AACS: variants seen among roughly 807,000 people sequenced by gnomAD.
AACS encodes acetoacetyl-CoA synthetase.
Under a neutral mutation model 83.1 loss-of-function variants are expected in AACS, and 69 were observed. The ratio of observed to expected loss-of-function variants is 0.83; its 90% CI spans 0.68 to 1.01. The LOEUF is 1.01. AACS is among the 50% of genes least tolerant of loss of function. AACS has a pLI of 0.00. For synonymous variants in AACS, 333 were observed against 343.4 expected (o/e 0.97, Z 0.33); for missense variants, 866 against 882.2 (o/e 0.98, Z 0.23).
At chr12:125,081,844 C>A (rs565041473) in intron 3 of AACS, among the ~76,000 whole-genome samples, 1 of 150,640 alleles carries the variant, frequency 6.6e-6, no homozygotes, top group Non-Finnish European at 1.5e-5. Context: ...AGGGCAGACG[C>A]GTACAACTCT....
At chr12:125,085,285 C>T (rs1956305621) in intron 3 of AACS, among the ~76,000 whole-genome samples, 1 of 152,264 alleles carries the variant, frequency 6.6e-6, no homozygotes, top group Non-Finnish European at 1.5e-5. Context: ...TGGAACCACG[C>T]ACACGCATGT....
intron 3 of AACS, among the ~76,000 whole-genome samples, chr12:125,077,494 A>C (rs7133335): frequency 0.02 from 3,008 of 147,698 alleles, 99 homozygotes; most frequent in African/African-American, 0.07. Context: ...TGGGCGACAG[A>C]GTGAGACTCT....
intron 2 of AACS, among the ~76,000 whole-genome samples, chr12:125,074,498 G>A (rs950996004): frequency 1.3e-5 from 2 of 151,838 alleles, no homozygotes; most frequent in Non-Finnish European, 2.9e-5. Flanking sequence ...AGTGAGCTGT[G>A]ACTGCGCCAC....
intron 8 of AACS, among the ~76,000 whole-genome samples, chr12:125,112,760 A>C (rs1956981627): frequency 6.6e-6 from 1 of 151,374 alleles, no homozygotes; most frequent in Non-Finnish European, 1.5e-5. Flanking sequence ...GTGGCTGGGG[A>C]GGCCTCACAA....
intron 5 of AACS, among the ~76,000 whole-genome samples, chr12:125,096,832 G>C (rs1956619002): frequency 6.6e-6 from 1 of 152,096 alleles, no homozygotes; most frequent in Non-Finnish European, 1.5e-5. Flanking sequence ...ATGGGGAAGA[G>C]GGGCTTGCCT....
intron 8 of AACS, among the ~76,000 whole-genome samples, chr12:125,108,625 A>T (rs548177284): frequency 6.6e-6 from 1 of 152,282 alleles, no homozygotes; most frequent in South Asian, 2.1e-4. Flanking sequence ...TATGCAATAG[A>T]ATGTATATGT....
intron 3 of AACS, chr12:125,078,168 C>T: frequency 2.2e-6 from 1 of 456,306 alleles, no homozygotes; most frequent in Non-Finnish European, 4.4e-6. Flanking sequence ...CAGGGCCTCC[C>T]TTCTGCCATC....
intron 14 of AACS, among the ~76,000 whole-genome samples, chr12:125,133,128 G>A (rs548040342): frequency 1.4e-4 from 22 of 152,214 alleles, no homozygotes; most frequent in Non-Finnish European, 3.1e-4. Flanking sequence ...TTTTGATTAC[G>A]GCCAGCCAGT....
At chr12:125,078,297 G>A (rs1177694044) in intron 3 of AACS, 1 of 456,016 alleles carries the variant, frequency 2.2e-6, no homozygotes, top group Non-Finnish European at 4.4e-6. Context: ...TATTTTCAAA[G>A]CCCATGGGCA....
At chr12:125,076,924 G>A (rs532263592) in intron 3 of AACS, among the ~76,000 whole-genome samples, 1 of 152,276 alleles carries the variant, frequency 6.6e-6, no homozygotes, top group African/African-American at 2.4e-5. Context: ...GAGGCTGGGT[G>A]CAGAGGCCGG....
At chr12:125,080,010 C>T (rs912308189) in intron 3 of AACS, among the ~76,000 whole-genome samples, 3 of 152,194 alleles carry the variant, frequency 2.0e-5, no homozygotes, top group Admixed American at 2.0e-4. Flanking sequence ...AAGGTTCATC[C>T]ACATTGTAGC....
rs145458683 is a variant in AACS, at chr12:125,124,437, C to T, written c.1122-268C>T. On this transcript the variant is annotated intron_variant, in intron 10 of 17. Coordinates refer to ENST00000316519, the MANE Select transcript of AACS (RefSeq NM_023928.5). ...TCTGCAGTTGGGAAGATAATGGGTT[C>T]GGGTGAGCGACTGTTTTATGTGACG... 6.4e-3 allele frequency: 3,258 copies of T among 505,648 alleles called. 17 individuals are homozygous for T. Among genetic ancestry groups the T allele is most frequent in the Non-Finnish European group, 9.2e-3 (2,623 of 283,756 alleles). The allele number at this position is 505,648 out of a possible 1,614,324, so 31.3% of individuals were successfully genotyped here. A position where few individuals can be genotyped will look rare whatever the true frequency, so the allele number is the denominator to read the frequency against.
At position 125,093,803 on chromosome 12, in the gene AACS, C is replaced by T. The variant is rs142458581; in HGVS notation, c.570+2280C>T. Among the ~76,000 whole-genome samples, 168 of 152,310 alleles carry T rather than the reference C, an allele frequency of 1.1e-3. 1 individual carries two copies. The highest frequency in any genetic ancestry group is 1.9e-3 in the Non-Finnish European group (132 of 68,032). ...GTCCGAGGTATAGACTCCATCCTGC[C>T]GGAGACGGGGGTGTGTGTGACGCAC... is the stretch of plus-strand genomic sequence containing the variant. On this transcript the variant is annotated intron_variant, in intron 5 of 17. Coordinates refer to ENST00000316519, the MANE Select transcript of AACS (RefSeq NM_023928.5).
rs774854307 is a variant in AACS, at chr12:125,076,518, G to A, written c.265G>A (p.Asp89Asn). The change falls in exon 3 of 18, where the codon GAT becomes AAT. Residue 89 changes from aspartate to asparagine, a missense_variant. Physicochemically the swap from Asp to Asn is conservative, Grantham distance 23. Transcript: ENST00000316519. ...TGTGGACACATCGAAAGGAATCGCA[G>A]ATGTCCCCGAGTGGTTCAAAGGCAG... The part of the protein sequence containing the change: ...EVVDTSKGIA[D>N]VPEWFKGSRL... 1 of 1,614,170 alleles carries A rather than the reference G, an allele frequency of 6.2e-7. No homozygotes were observed. Among genetic ancestry groups the A allele is most frequent in the Non-Finnish European group, 8.5e-7 (1 of 1,180,012 alleles).
In AACS at chr12:125,102,297, G is replaced by A. The variant is rs539112605; in HGVS notation, c.571-382G>A. 6.3e-5 allele frequency: 12 copies of A among 189,596 alleles called. No individual in the cohort carries two copies. In the East Asian group the frequency reaches 1.4e-3, roughly 22 times the overall value. 11.7% of individuals were successfully genotyped at this position (189,596 alleles called of 1,614,324 possible). On this transcript the variant is annotated intron_variant, in intron 5 of 17. Coordinates refer to ENST00000316519, the MANE Select transcript of AACS (RefSeq NM_023928.5). Reference sequence around the variant, plus strand: ...ACTCCTGACCTCAAGTGATTCACCTGCCTCGGCCTCTCAAAGTGCTTGGAT... The same window carrying A: ...ACTCCTGACCTCAAGTGATTCACCTACCTCGGCCTCTCAAAGTGCTTGGAT...
intron 7 of AACS, among the ~76,000 whole-genome samples, chr12:125,104,065 T>C (rs1436533259): frequency 3.4e-5 from 5 of 148,566 alleles, no homozygotes; most frequent in African/African-American, 1.2e-4. Flanking sequence ...TTATGGATTA[T>C]GGTTTAGTCA....
chr12:125,086,074 AGCCCCT>A (rs1956332168), intron 3 of AACS, among the ~76,000 whole-genome samples: 2 of 152,204 alleles, frequency 1.3e-5, no homozygotes, highest in Admixed American at 6.5e-5. Context: ...CACAGGCATG[AGCCCCT>A]GCACCGGGCC....
intron 7 of AACS, among the ~76,000 whole-genome samples, chr12:125,106,602 TCTC>T (rs1956838759): frequency 2.0e-5 from 3 of 152,182 alleles, no homozygotes; most frequent in African/African-American, 7.2e-5. Flanking sequence ...TAATCTAGCA[TCTC>T]CTCCTCTCCC....
At chr12:125,110,382 T>G (rs1477168254) in intron 8 of AACS, among the ~76,000 whole-genome samples, 1 of 152,222 alleles carries the variant, frequency 6.6e-6, no homozygotes, top group Non-Finnish European at 1.5e-5. Flanking sequence ...AATGTAGTGC[T>G]TTTCTAATAA....
Sources: allele counts gnomAD v4.1 joint callset (sites outside exome capture counted in the v4.1 genomes callset), GRCh38; gene constraint gnomAD v4.1.1; transcripts MANE v1.5; gene names NCBI Gene and HGNC (gene_info 2026-07-23, HGNC 2026-07-21).